Variants in EEA1 observed in about 807,000 individuals in gnomAD.
EEA1 encodes early endosome antigen 1, 162kD.
EEA1 carries 111 observed loss-of-function variants against 209.2 expected under a neutral mutation model. The observed-to-expected ratio is 0.53, with a 90% CI of 0.45 to 0.62. The LOEUF is 0.62. Ranked by LOEUF, EEA1 falls within the 20% of genes least tolerant of loss-of-function variation. The pLI is 0.00. For missense variants in EEA1, 1,343 were observed against 1,530.8 expected (o/e 0.88, Z 2.05); for synonymous variants, 536 against 540.6 (o/e 0.99, Z 0.12).
rs749681920 is a variant in EEA1 at position 92,788,050 on chromosome 12, C to A, written c.2968-1G>T. ...GCTGTAGTTTATTCTCAAGCTCTGTCTGAAACATACAATAGTTATTTAAAA... is the reference window on the plus strand; with the variant it reads ...GCTGTAGTTTATTCTCAAGCTCTGTATGAAACATACAATAGTTATTTAAAA... On this transcript the variant is annotated splice_acceptor_variant, in intron 21 of 28. Coordinates refer to ENST00000322349, the MANE Select transcript of EEA1 (RefSeq NM_003566.4). LOFTEE classifies it high-confidence loss of function. 1.3e-6 allele frequency: 2 copies of A among 1,580,974 alleles called. No homozygotes were observed. Among genetic ancestry groups the A allele is most frequent in the Non-Finnish European group, 8.6e-7 (1 of 1,167,096 alleles).
chr12:92,865,719 A>T (rs1259515362), intron 2 of EEA1, among the ~76,000 whole-genome samples: 2 of 34,276 alleles, frequency 5.8e-5, no homozygotes, highest in Non-Finnish European at 1.3e-4. Flanking sequence ...TTATTTTTTT[A>T]TTTTATTTTA....
Position 92,777,316 on chromosome 12 carries a change from C to T in EEA1, c.4014+227G>A, listed in dbSNP as rs2136646168. Among the ~76,000 whole-genome samples, 10 of 152,002 alleles carry T rather than the reference C, an allele frequency of 6.6e-5. 2 individuals carry two copies. The South Asian group carries it at 2.1e-3, about 32-fold the overall frequency. ...TGAATTTTGTAGTTCTTTCCATATA[C>T]TAACAATTAATGAATGACATGGCTT... On this transcript the variant is annotated intron_variant, in intron 27 of 28. Coordinates refer to ENST00000322349, the MANE Select transcript of EEA1 (RefSeq NM_003566.4).
chr12:92,910,341 C>T (rs560586408), intron 1 of EEA1, among the ~76,000 whole-genome samples: 40 of 151,338 alleles, frequency 2.6e-4, no homozygotes, highest in Non-Finnish European at 4.3e-4. Flanking sequence ...TGGTGGTGCG[C>T]ACCTGTAATC....
At chr12:92,776,996 C>T (rs1281655890) in intron 27 of EEA1, 54 bp from the exon 28 acceptor site, 1 of 1,557,402 alleles carries the variant, frequency 6.4e-7, no homozygotes, top group Non-Finnish European at 8.8e-7. Flanking sequence ...TTAAAGAATG[C>T]TAGATTATTT....
intron 1 of EEA1, among the ~76,000 whole-genome samples, chr12:92,921,759 G>GAAAAAAA (rs751838383): frequency 3.9e-5 from 3 of 76,714 alleles, no homozygotes; most frequent in African/African-American, 5.2e-5. Context: ...TAAAAAAAAA[G>GAAAAAAA]AAAAAAAAAA....
At chr12:92,819,601 C>T (rs925425060) in intron 13 of EEA1, 90 bp from the exon 14 acceptor site, 24 of 882,572 alleles carry the variant, frequency 2.7e-5, no homozygotes, top group Non-Finnish European at 3.3e-5. Flanking sequence ...AATTCTATCA[C>T]TCAAATACTC....
intron 1 of EEA1, among the ~76,000 whole-genome samples, chr12:92,913,315 T>C (rs1880646288): frequency 6.6e-6 from 1 of 152,372 alleles, no homozygotes; most frequent in South Asian, 2.1e-4. Flanking sequence ...GAGCATTTTC[T>C]CATGTTTGTT....
chr12:92,794,648 G>A (rs369181223), intron 21 of EEA1, among the ~76,000 whole-genome samples: 3 of 150,884 alleles, frequency 2.0e-5, no homozygotes, highest in African/African-American at 4.9e-5. Flanking sequence ...ACCACACACC[G>A]CATGTTCCCA....
chr12:92,923,182 C>T (rs1881073734), intron 1 of EEA1, among the ~76,000 whole-genome samples: 1 of 151,272 alleles, frequency 6.6e-6, no homozygotes, highest in Admixed American at 6.6e-5. Context: ...CCTGTCTCTA[C>T]TAAAAATACA....
chr12:92,813,405 T>C (rs1364187224), intron 15 of EEA1, among the ~76,000 whole-genome samples: 1 of 152,096 alleles, frequency 6.6e-6, no homozygotes, highest in Admixed American at 6.5e-5. Context: ...TTTTCAGAAG[T>C]GAGTATCTGA....
At chr12:92,848,997 T>C (rs565579440) in intron 9 of EEA1, among the ~76,000 whole-genome samples, 2 of 152,264 alleles carry the variant, frequency 1.3e-5, no homozygotes, top group Admixed American at 1.3e-4. Context: ...CCTGGGATTA[T>C]AGAGGTGAGC....
intron 2 of EEA1, among the ~76,000 whole-genome samples, chr12:92,867,227 T>C (rs746335020): frequency 1.3e-5 from 2 of 152,184 alleles, no homozygotes; most frequent in Non-Finnish European, 2.9e-5. Flanking sequence ...TGCGTTTCCC[T>C]GAGCACGCCA....
chr12:92,817,032 C>A (rs1161950471), intron 14 of EEA1, among the ~76,000 whole-genome samples: 2 of 150,988 alleles, frequency 1.3e-5, no homozygotes, highest in Admixed American at 1.3e-4. Context: ...ATGTTTTTAA[C>A]CAAAAATTAA....
chr12:92,778,776 G>A (rs986885947), intron 25 of EEA1, among the ~76,000 whole-genome samples: 2 of 151,956 alleles, frequency 1.3e-5, no homozygotes, highest in African/African-American at 4.8e-5. Flanking sequence ...ATCAACATTC[G>A]TTTTGACCCA....
intron 11 of EEA1, 37 bp downstream of exon 11, chr12:92,832,475 A>T: frequency 6.5e-7 from 1 of 1,547,914 alleles, no homozygotes; most frequent in Non-Finnish European, 8.7e-7. Flanking sequence ...AAGAAACCAG[A>T]GGGAGAATTA....
At position 92,772,259 on chromosome 12, in the gene EEA1, A is replaced by AT. The variant is rs911603925; in HGVS notation, c.*3751dup. 1.3e-5 allele frequency: 2 copies of AT among 151,888 alleles called. No individual in the cohort carries two copies. Among genetic ancestry groups the AT allele is most frequent in the African/African-American group, 4.8e-5 (2 of 41,398 alleles). The allele number at this position is 151,888 out of a possible 1,614,324, so 9.4% of individuals were successfully genotyped here. A position where few individuals can be genotyped will look rare whatever the true frequency, so the allele number is the denominator to read the frequency against. On this transcript the variant is annotated 3_prime_UTR_variant, in exon 29 of 29. Coordinates refer to ENST00000322349, the MANE Select transcript of EEA1 (RefSeq NM_003566.4). ...CAATGAAATAAGGGGTTAATTACAT[A>AT]TTTTTTATATTTGTTTTTAGTTTTG...
chr12:92,776,075 A>G lies in EEA1; in HGVS notation c.4172T>C (p.Leu1391Ser). 6.2e-7 allele frequency: 1 copy of G among 1,611,732 alleles called. No homozygotes were observed. Among genetic ancestry groups the G allele is most frequent in the South Asian group, 1.1e-5 (1 of 90,888 alleles). The change falls in exon 29 of 29, where the codon TTA (leucine) becomes TCA (serine). Residue 1391 changes from leucine to serine, a missense_variant. Around this residue, in one of 3 missense-constraint regions of EEA1, gnomAD observed 28 missense variants for 37.7 expected, o/e 0.74. Transcript: ENST00000322349. ...FCAECSAKNA[L>S]TPSSKKPVRV... ...AACAGGCTTCTTGGAGGAAGGAGTT[A>G]AGGCATTTTTGGCTGAACATTCAGC... is the stretch of plus-strand genomic sequence containing the variant.
At chr12:92,928,757 C>T (rs570678118) in intron 1 of EEA1, among the ~76,000 whole-genome samples, 2 of 152,176 alleles carry the variant, frequency 1.3e-5, no homozygotes, top group South Asian at 4.1e-4. Flanking sequence ...AACGCGCCGG[C>T]ACCACACCCT....
rs192784432 is a variant in EEA1, at chr12:92,773,762, C to A, written c.*2249G>T. 4.0e-5 allele frequency: 6 copies of A among 151,388 alleles called. No homozygotes were observed. The East Asian group carries it at 1.2e-3, about 29-fold the overall frequency. 9.4% of individuals were successfully genotyped at this position (151,388 alleles called of 1,614,324 possible). ...AGGAAAAAAATTTAAATTTTTATTT[C>A]GAAAACACATTAAATTGGGGAGAGT... On this transcript the variant is annotated 3_prime_UTR_variant, in exon 29 of 29. Coordinates refer to ENST00000322349, the MANE Select transcript of EEA1 (RefSeq NM_003566.4).
Sources: allele counts gnomAD v4.1 joint callset (sites outside exome capture counted in the v4.1 genomes callset), GRCh38; gene constraint gnomAD v4.1.1; regional missense constraint gnomAD v4.1.1; transcripts MANE v1.5; gene names NCBI Gene and HGNC (gene_info 2026-07-23, HGNC 2026-07-21).